The following DYM variants were observed in gnomAD, a reference collection of about 807,000 sequenced individuals.
DYM encodes dyggve-Melchior-Clausen syndrome protein.
In DYM, 78 loss-of-function variants were observed where a neutral mutation model predicts 93.1. The ratio of observed to expected loss-of-function variants is 0.84; its 90% CI spans 0.70 to 1.01. The LOEUF (loss-of-function observed/expected upper bound fraction) is 1.01. Ranked by LOEUF, DYM falls within the 50% of genes least tolerant of loss-of-function variation. The pLI is 0.00. For synonymous variants in DYM, 321 were observed against 319.7 expected (o/e 1.00, Z -0.04); for missense variants, 789 against 845.0 (o/e 0.93, Z 0.82).
intron 2 of DYM, among the ~76,000 whole-genome samples, chr18:49,399,934 C>CTTTTTTTTTTTTT (rs1201370040): frequency 6.0e-5 from 4 of 66,136 alleles, no homozygotes; most frequent in Non-Finnish European, 8.2e-5. Flanking sequence ...TTTTATTTTT[C>CTTTTTTTTTTTTT]TTTTTTTTTT....
Position 49,150,408 on chromosome 18 carries a change from T to C in DYM, c.1728+13277A>G, listed in dbSNP as rs117248232. Among the ~76,000 whole-genome samples, 562 of 152,298 alleles carry C rather than the reference T, an allele frequency of 3.7e-3. 1 individual carries two copies. The highest frequency in any genetic ancestry group is 6.0e-3 in the Non-Finnish European group (410 of 68,018). Reference sequence around the variant, plus strand: ...GCTTAGTCTGATGACATTAGTACCCTTATAGTAAAAGACACCAGAGAGCTT... The same window carrying C: ...GCTTAGTCTGATGACATTAGTACCCCTATAGTAAAAGACACCAGAGAGCTT... On this transcript the variant is annotated intron_variant, in intron 15 of 17. Coordinates refer to ENST00000675505, the MANE Select transcript of DYM (RefSeq NM_001353214.3).
At chr18:49,438,930 T>C (rs1403152671) in intron 1 of DYM, among the ~76,000 whole-genome samples, 1 of 152,200 alleles carries the variant, frequency 6.6e-6, no homozygotes, top group Non-Finnish European at 1.5e-5. Context: ...CCCTTATCAA[T>C]GAAAACTAGA....
chr18:49,057,435 T>C (rs1040463115), intron 17 of DYM, among the ~76,000 whole-genome samples: 9 of 152,206 alleles, frequency 5.9e-5, no homozygotes, highest in African/African-American at 2.2e-4. Flanking sequence ...GGCAGGCCTG[T>C]GGCACGATGG....
In DYM at chr18:49,038,091, C is replaced by T. The variant is rs1220996479; in HGVS notation, c.*5964G>A. Reference sequence around the variant, plus strand: ...CTTCCTGACTTGGCCTCTCAAAGTGCTAGTATTACAGATGTGAGCCACTGT... The same window carrying T: ...CTTCCTGACTTGGCCTCTCAAAGTGTTAGTATTACAGATGTGAGCCACTGT... On this transcript the variant is annotated 3_prime_UTR_variant, in exon 18 of 18. Coordinates refer to ENST00000675505, the MANE Select transcript of DYM (RefSeq NM_001353214.3). Among the ~76,000 whole-genome samples, 1 of 152,208 alleles carries T rather than the reference C, an allele frequency of 6.6e-6. No homozygotes were observed. Among genetic ancestry groups the T allele is most frequent in the African/African-American group, 2.4e-5 (1 of 41,442 alleles).
chr18:49,069,229 G>A (rs916605587), intron 17 of DYM, among the ~76,000 whole-genome samples: 2 of 152,202 alleles, frequency 1.3e-5, no homozygotes, highest in African/African-American at 4.8e-5. Context: ...ATACATTAAA[G>A]TCAGCATTTA....
intron 1 of DYM, among the ~76,000 whole-genome samples, chr18:49,450,701 G>C (rs1016427661): frequency 1.3e-5 from 2 of 152,040 alleles, no homozygotes; most frequent in African/African-American, 4.8e-5. Flanking sequence ...GTTATATTTT[G>C]GTGAATAATA....
intron 13 of DYM, among the ~76,000 whole-genome samples, chr18:49,217,440 G>C (rs1192123539): frequency 2.0e-5 from 3 of 152,016 alleles, no homozygotes; most frequent in Non-Finnish European, 4.4e-5. Flanking sequence ...GCAACTCCAA[G>C]ACACATAATT....
At chr18:49,355,433 T>C (rs1338022895) in intron 6 of DYM, among the ~76,000 whole-genome samples, 2 of 152,074 alleles carry the variant, frequency 1.3e-5, no homozygotes, top group Non-Finnish European at 2.9e-5. Flanking sequence ...ACAGATACAA[T>C]TGATACACTG....
chr18:49,286,701 A>G (rs1228879846), intron 8 of DYM, 85 bp from the exon 9 acceptor site: 12 of 1,314,636 alleles, frequency 9.1e-6, no homozygotes, highest in Non-Finnish European at 1.2e-5. Flanking sequence ...AATATAATAC[A>G]ATATGGTAAT....
chr18:49,084,276 C>T (rs989716279), intron 17 of DYM, among the ~76,000 whole-genome samples: 2 of 151,998 alleles, frequency 1.3e-5, no homozygotes, highest in African/African-American at 4.8e-5. Context: ...TTCCAAATAC[C>T]TTTCTTTTGT....
intron 13 of DYM, among the ~76,000 whole-genome samples, chr18:49,215,020 G>GA (rs2092963099): frequency 6.6e-6 from 1 of 152,130 alleles, no homozygotes. Flanking sequence ...ATCTTTAAGG[G>GA]AAAAAGAACT....
chr18:49,223,271 C>T (rs1397094151), intron 13 of DYM, among the ~76,000 whole-genome samples: 1 of 152,106 alleles, frequency 6.6e-6, no homozygotes, highest in East Asian at 1.9e-4. Flanking sequence ...TACTGCACAA[C>T]TTTTTTCTTA....
chr18:49,138,102 T>A (rs967879727), intron 15 of DYM, among the ~76,000 whole-genome samples: 1 of 152,164 alleles, frequency 6.6e-6, no homozygotes, highest in Non-Finnish European at 1.5e-5. Flanking sequence ...TTTCTTTTTT[T>A]ATGTATGTGA....
chr18:49,323,236 G>C (rs2062639809), intron 8 of DYM, among the ~76,000 whole-genome samples: 1 of 152,132 alleles, frequency 6.6e-6, no homozygotes, highest in South Asian at 2.1e-4. Flanking sequence ...GGTTAGAATG[G>C]GTAGTGAGTG....
chr18:49,220,455 T>G (rs1346711038), intron 13 of DYM, among the ~76,000 whole-genome samples: 112 of 151,308 alleles, frequency 7.4e-4, no homozygotes, highest in Non-Finnish European at 1.4e-3. Flanking sequence ...AAGTCAATCC[T>G]AAGCCAAAAG....
Position 49,258,407 on chromosome 18 carries a change from G to A in DYM, c.1338C>T (p.Thr446=). 6.2e-7 allele frequency: 1 copy of A among 1,611,758 alleles called. No homozygotes were observed. The highest frequency in any genetic ancestry group is 8.5e-7 in the Non-Finnish European group (1 of 1,177,960). The change falls in exon 12 of 18, where the codon ACC becomes ACT. Residue 446 remains threonine, a synonymous_variant. Transcript: ENST00000675505. ...GTGTCCTAGTCATGTTGTATTGAAT[G>A]GTTCTTATTACCACCAGGATCAGGA... ...GSLLILVVIR[T]IQYNMTRTRD... is the part of the protein sequence containing the mutation.
chr18:49,117,919 G>C (rs560108610), intron 16 of DYM, among the ~76,000 whole-genome samples: 1 of 151,050 alleles, frequency 6.6e-6, no homozygotes, highest in African/African-American at 2.4e-5. Flanking sequence ...GGATGGTCTC[G>C]ATCTCCCGAC....
intron 2 of DYM, among the ~76,000 whole-genome samples, chr18:49,400,091 C>T (rs911039410): frequency 2.0e-5 from 3 of 151,558 alleles, no homozygotes; most frequent in African/African-American, 7.3e-5. Flanking sequence ...CAAGCACTTG[C>T]CACCACGCCT....
chr18:49,369,748 A>C (rs1475813212), intron 5 of DYM, among the ~76,000 whole-genome samples: 1 of 34,290 alleles, frequency 2.9e-5, no homozygotes, highest in Non-Finnish European at 5.4e-5. Flanking sequence ...TTTTTTAAAA[A>C]TAAGTTTATA....
Sources: allele counts gnomAD v4.1 joint callset (sites outside exome capture counted in the v4.1 genomes callset), GRCh38; gene constraint gnomAD v4.1.1; transcripts MANE v1.5; gene names NCBI Gene and HGNC (gene_info 2026-07-23, HGNC 2026-07-21).